The following PAX3 variants were observed in gnomAD, a reference collection of about 807,000 sequenced individuals.
PAX3 encodes the protein paired box 3.
A neutral mutation model predicts 51.6 loss-of-function variants in PAX3; 14 were observed. That is an observed-to-expected ratio of 0.27 (90% CI 0.18 to 0.42). PAX3 has a LOEUF of 0.42. PAX3 is among the 10% of genes least tolerant of loss of function. The pLI, the probability that PAX3 is intolerant of heterozygous loss-of-function variation, is 1.00. For synonymous variants in PAX3, 280 were observed against 253.4 expected, an observed-to-expected ratio of 1.11 and a Z score of -1.00; for missense variants, 540 against 642.8, an observed-to-expected ratio of 0.84 and a Z score of 1.73.
rs545656170 is a variant in PAX3 at position 222,217,409 on chromosome 2, C to T, written c.1173+2731G>A. Among the ~76,000 whole-genome samples the T allele has an allele frequency of 3.3e-5, 5 of 152,232 alleles. No homozygotes were observed. The East Asian group carries it at 7.7e-4, about 24-fold the overall frequency. On this transcript the variant is annotated intron_variant, in intron 7 of 8. Transcript: ENST00000392070. ...AAACCTGTTTTCTCTTCATTCAACT[C>T]TGGACTATAATGGACAAGATCCTAG...
intron 4 of PAX3, among the ~76,000 whole-genome samples, chr2:222,235,110 A>G (rs990460806): frequency 2.6e-5 from 4 of 152,218 alleles, no homozygotes; most frequent in Non-Finnish European, 4.4e-5. Flanking sequence ...ATGATGTGCC[A>G]TGCACTGTCA....
At chr2:222,236,067 T>C (rs1023347282) in intron 4 of PAX3, among the ~76,000 whole-genome samples, 2 of 152,222 alleles carry the variant, frequency 1.3e-5, no homozygotes, top group African/African-American at 2.4e-5. Flanking sequence ...TTTCCCCATC[T>C]GTAAACCCCA....
At chr2:222,297,319 T>G in intron 1 of PAX3, 106 bp from the exon 2 acceptor site, 1 of 841,156 alleles carries the variant, frequency 1.2e-6, no homozygotes, top group Non-Finnish European at 2.0e-6. Flanking sequence ...ATCCTCATGT[T>G]ACAGCACCGA....
At chr2:222,237,968 G>A (rs543110567) in intron 4 of PAX3, among the ~76,000 whole-genome samples, 7 of 152,306 alleles carry the variant, frequency 4.6e-5, no homozygotes, top group South Asian at 2.1e-4. Flanking sequence ...ACCTCTCACC[G>A]AAGTATTTCA....
In PAX3 at chr2:222,298,597, C is replaced by A. The variant is rs778065633; in HGVS notation, c.19G>T (p.Ala7Ser). The stretch of plus-strand genomic sequence containing the variant: ...CCCGGCCGCATCATCCTGGGCACAG[C>A]GCCGGCCAGCGTGGTCATCCTGGGG... MTTLAG[A>S]VPRMMRPGPG... The change falls in exon 1 of 9, where the codon GCT (alanine) becomes TCT (serine). Residue 7 changes from alanine to serine, a missense_variant. By Grantham distance (99) the Ala-to-Ser change is moderately conservative (BLOSUM62 1). Transcript: ENST00000392070. 3.0e-5 allele frequency: 48 copies of A among 1,606,696 alleles called. No homozygotes were observed. The highest frequency in any genetic ancestry group is 4.1e-5 in the Non-Finnish European group (48 of 1,177,066).
intron 4 of PAX3, among the ~76,000 whole-genome samples, chr2:222,284,612 C>CGTGTGT (rs71053066): frequency 6.7e-6 from 1 of 150,336 alleles, no homozygotes; most frequent in African/African-American, 2.4e-5. Flanking sequence ...TGTCTGTGTG[C>CGTGTGT]GTGTGTGTGT....
chr2:222,203,732 T>A (rs1006357227), intron 7 of PAX3, among the ~76,000 whole-genome samples: 4 of 152,038 alleles, frequency 2.6e-5, no homozygotes, highest in African/African-American at 9.7e-5. Context: ...TTGGGAAGGG[T>A]TTGCATAATC....
At position 222,298,725 on chromosome 2, in the gene PAX3, C is replaced by T. The variant is rs1695447661; in HGVS notation, c.-110G>A. On this transcript the variant is annotated 5_prime_UTR_variant, in exon 1 of 9. Transcript: ENST00000392070. ...ATCCGGAGCGTGGAGAGCCCCTCCC[C>T]AAAACGGCTGGAGAGAGAGGGAGGG... 2.7e-6 allele frequency: 3 copies of T among 1,092,098 alleles called. No homozygotes were observed. Among genetic ancestry groups the T allele is most frequent in the African/African-American group, 1.6e-5 (1 of 64,410 alleles). 67.7% of individuals were successfully genotyped at this position (1,092,098 alleles called of 1,614,324 possible).
chr2:222,245,633 G>A (rs1693198184), intron 4 of PAX3, among the ~76,000 whole-genome samples: 1 of 151,628 alleles, frequency 6.6e-6, no homozygotes, highest in Admixed American at 6.6e-5. Context: ...AGGAGGGGAG[G>A]AGAGAAGAGA....
intron 4 of PAX3, among the ~76,000 whole-genome samples, chr2:222,270,760 C>T (rs1694224460): frequency 6.6e-6 from 1 of 152,172 alleles, no homozygotes; most frequent in Non-Finnish European, 1.5e-5. Flanking sequence ...ACTTATTTTG[C>T]CCAAATCCAA....
rs1210750679 is a variant in PAX3, at chr2:222,298,677, G to C, written c.-62C>G. The C allele has an allele frequency of 3.6e-5, 52 of 1,463,274 alleles. No homozygotes were observed. Among genetic ancestry groups the C allele is most frequent in the Middle Eastern group, 1.7e-4 (1 of 5,852 alleles). 90.6% of individuals were successfully genotyped at this position (1,463,274 alleles called of 1,614,324 possible). ...GAAGGCGAAACGGAAAGGCGAGTGC[G>C]GCGCGGATGACCCTCGGGAACTATC... On this transcript the variant is annotated 5_prime_UTR_variant, in exon 1 of 9. Transcript: ENST00000392070.
intron 4 of PAX3, among the ~76,000 whole-genome samples, chr2:222,291,295 C>G (rs1301915032): frequency 6.6e-6 from 1 of 152,024 alleles, no homozygotes; most frequent in East Asian, 1.9e-4. Flanking sequence ...GGATAGCGGG[C>G]GGGGTTCGTG....
intron 4 of PAX3, among the ~76,000 whole-genome samples, chr2:222,237,122 C>A (rs1248741883): frequency 6.6e-6 from 1 of 152,162 alleles, no homozygotes; most frequent in East Asian, 1.9e-4. Context: ...TCTCTCCCTT[C>A]CCCCCTAACT....
At chr2:222,201,828 A>C in intron 8 of PAX3, 116 bp downstream of exon 8, 1 of 1,591,742 alleles carries the variant, frequency 6.3e-7, no homozygotes, top group Non-Finnish European at 8.5e-7. Flanking sequence ...AAAAAAAAAA[A>C]AAAATTGATA....
intron 4 of PAX3, among the ~76,000 whole-genome samples, chr2:222,284,230 T>C (rs780820618): frequency 6.6e-6 from 1 of 152,156 alleles, no homozygotes; most frequent in African/African-American, 2.4e-5. Flanking sequence ...GGGGATATAA[T>C]GAGAAACTGT....
At chr2:222,278,356 G>A (rs533320347) in intron 4 of PAX3, among the ~76,000 whole-genome samples, 1 of 152,194 alleles carries the variant, frequency 6.6e-6, no homozygotes, top group South Asian at 2.1e-4. Flanking sequence ...CTAGAGGAGG[G>A]GAGTCTCATT....
intron 4 of PAX3, among the ~76,000 whole-genome samples, chr2:222,284,901 C>A (rs1453644068): frequency 6.6e-6 from 1 of 152,222 alleles, no homozygotes; most frequent in East Asian, 1.9e-4. Context: ...AAGGTCACAA[C>A]TAAAATGTGC....
chr2:222,239,461 A>T (rs1244756961), intron 4 of PAX3, among the ~76,000 whole-genome samples: 2 of 152,214 alleles, frequency 1.3e-5, no homozygotes, highest in African/African-American at 2.4e-5. Context: ...AGAAGTAATC[A>T]GCGATGTTAT....
intron 7 of PAX3, 121 bp from the exon 8 acceptor site, chr2:222,202,311 G>T: frequency 1.2e-6 from 1 of 810,720 alleles, no homozygotes; most frequent in Non-Finnish European, 2.1e-6. Context: ...TTAAAGAGCT[G>T]TCCAGGAGAC....
Sources: gnomAD v4.1 joint callset for allele counts (sites outside exome capture counted in the v4.1 genomes callset) on GRCh38, gnomAD v4.1.1 for gene constraint, MANE v1.5 for transcripts, NCBI Gene and HGNC (gene_info 2026-07-23, HGNC 2026-07-21) for gene names.